HMGCLL1: variants seen among roughly 807,000 people sequenced by gnomAD.
The protein encoded by HMGCLL1 is 3-hydroxy-3-methylglutaryl-CoA lyase like 1.
In HMGCLL1, 36 loss-of-function variants were observed where a neutral mutation model predicts 39.1. The ratio of observed to expected loss-of-function variants is 0.92; its 90% CI spans 0.71 to 1.22. The LOEUF (loss-of-function observed/expected upper bound fraction) is 1.22. Ranked by LOEUF, HMGCLL1 falls within the 50% of genes most tolerant of loss-of-function variation. HMGCLL1 has a pLI of 0.00. For missense variants in HMGCLL1, 451 were observed against 416.5 expected (o/e 1.08, Z -0.72); for synonymous variants, 149 against 144.0 (o/e 1.03, Z -0.25).
chr6:55,605,534 T>A, the HMGCLL1 span, among the ~76,000 whole-genome samples: 1 of 152,192 alleles, frequency 6.6e-6, no homozygotes, highest in East Asian at 1.9e-4. Context: ...GAAAAATTCC[T>A]GTTCAAATGT....
intron 1 of HMGCLL1, among the ~76,000 whole-genome samples, chr6:55,569,610 T>C (rs1293139228): frequency 6.6e-6 from 1 of 152,156 alleles, no homozygotes; most frequent in Admixed American, 6.5e-5. Flanking sequence ...AATGGATTAT[T>C]GTAAGGATTA....
the HMGCLL1 span, among the ~76,000 whole-genome samples, chr6:55,602,452 T>C: frequency 6.6e-6 from 1 of 152,108 alleles, no homozygotes; most frequent in Admixed American, 6.6e-5. Flanking sequence ...TTTTCTTCTA[T>C]GATTAGACAC....
chr6:55,620,039 T>C, the HMGCLL1 span, among the ~76,000 whole-genome samples: 2 of 152,180 alleles, frequency 1.3e-5, no homozygotes, highest in African/African-American at 4.8e-5. Context: ...TTTCTGAGAG[T>C]ACTCCATTGT....
chr6:55,663,817 T>C, the HMGCLL1 span, among the ~76,000 whole-genome samples: 1 of 151,900 alleles, frequency 6.6e-6, no homozygotes, highest in South Asian at 2.1e-4. Context: ...AGTCTCTTTG[T>C]AGAGCTCTAA....
chr6:55,632,236 A>G, the HMGCLL1 span, among the ~76,000 whole-genome samples: 1 of 152,034 alleles, frequency 6.6e-6, no homozygotes. Context: ...GTAAAAGCAT[A>G]CAATAATATT....
chr6:55,491,282 T>C (rs1023340844), intron 7 of HMGCLL1, among the ~76,000 whole-genome samples: 5 of 152,200 alleles, frequency 3.3e-5, no homozygotes, highest in Admixed American at 2.6e-4. Flanking sequence ...CACACCAACA[T>C]AGCACATGTG....
chr6:55,539,114 C>T (rs190142627), intron 3 of HMGCLL1, among the ~76,000 whole-genome samples: 2 of 152,212 alleles, frequency 1.3e-5, no homozygotes, highest in Admixed American at 6.5e-5. Context: ...AGAGGCAGGA[C>T]ATGTAAATAG....
the HMGCLL1 span, among the ~76,000 whole-genome samples, chr6:55,622,678 T>A: frequency 6.6e-6 from 1 of 152,136 alleles, no homozygotes. Flanking sequence ...TTGTTGAGGA[T>A]TTTTACATCA....
the HMGCLL1 span, among the ~76,000 whole-genome samples, chr6:55,616,627 G>A: frequency 6.6e-6 from 1 of 152,150 alleles, no homozygotes; most frequent in Non-Finnish European, 1.5e-5. Context: ...TAATGAGATC[G>A]AATATTGAAC....
chr6:55,615,245 C>A, the HMGCLL1 span, among the ~76,000 whole-genome samples: 1 of 151,852 alleles, frequency 6.6e-6, no homozygotes, highest in African/African-American at 2.4e-5. Context: ...AAAAATTATG[C>A]TATGATTAAA....
the HMGCLL1 span, among the ~76,000 whole-genome samples, chr6:55,650,104 T>TATATATACACACATATAC: frequency 1.5e-5 from 1 of 68,754 alleles, no homozygotes; most frequent in African/African-American, 6.0e-5. Flanking sequence ...TATATATATA[T>TATATATACACACATATAC]ATATATATAT....
At chr6:55,627,716 C>T in the HMGCLL1 span, among the ~76,000 whole-genome samples, 47 of 147,752 alleles carry the variant, frequency 3.2e-4, no homozygotes, top group Admixed American at 9.9e-4. Flanking sequence ...CAGGTCTAGC[C>T]TCCCAGCCTA....
At chr6:55,647,745 C>CTTTTTTTTTTTTT in the HMGCLL1 span, among the ~76,000 whole-genome samples, 79 of 115,836 alleles carry the variant, frequency 6.8e-4, no homozygotes, top group African/African-American at 1.3e-3. Context: ...TTTTTTTTTC[C>CTTTTTTTTTTTTT]TTTTTTTTTT....
chr6:55,609,636 T>C, the HMGCLL1 span, among the ~76,000 whole-genome samples: 3 of 148,778 alleles, frequency 2.0e-5, no homozygotes, highest in African/African-American at 7.5e-5. Flanking sequence ...GACAAGTGGG[T>C]TTCCCCCCAG....
intron 7 of HMGCLL1, among the ~76,000 whole-genome samples, chr6:55,491,935 A>T (rs904786398): frequency 2.8e-4 from 42 of 152,220 alleles, no homozygotes; most frequent in African/African-American, 6.7e-4. Flanking sequence ...TAATAAAAAA[A>T]AAATAAAACC....
intron 7 of HMGCLL1, 70 bp from the exon 8 acceptor site, chr6:55,439,629 C>T (rs1161409141): frequency 6.5e-7 from 1 of 1,548,510 alleles, no homozygotes. Context: ...TTCTATTTAA[C>T]CTATGGTAAA....
chr6:55,534,948 T>C (rs553240081), intron 3 of HMGCLL1, among the ~76,000 whole-genome samples: 133 of 152,316 alleles, frequency 8.7e-4, no homozygotes, highest in African/African-American at 3.1e-3. Context: ...GTTAGACCGA[T>C]TGAAGCAATG....
the HMGCLL1 span, among the ~76,000 whole-genome samples, chr6:55,646,879 T>A: frequency 1.3e-5 from 2 of 152,066 alleles, no homozygotes; most frequent in African/African-American, 4.8e-5. Context: ...GATGAAATGT[T>A]CTGATAATAT....
the HMGCLL1 span, among the ~76,000 whole-genome samples, chr6:55,647,158 CCTT>C: frequency 6.6e-6 from 1 of 151,798 alleles, no homozygotes; most frequent in Non-Finnish European, 1.5e-5. Context: ...TATATAATGA[CCTT>C]CTCTTTTTTT....
Sources: allele counts gnomAD v4.1 joint callset (sites outside exome capture counted in the v4.1 genomes callset), GRCh38; gene constraint gnomAD v4.1.1; transcripts MANE v1.5; gene names NCBI Gene and HGNC (gene_info 2026-07-23, HGNC 2026-07-21).